Variants in GARIN1A observed in about 807,000 individuals in gnomAD.
The protein encoded by GARIN1A is Golgi-associated RAB2 interactor protein 1A.
the GARIN1A span, among the ~76,000 whole-genome samples, chr7:128,689,880 G>A: frequency 6.6e-6 from 1 of 152,180 alleles, no homozygotes. Context: ...GAGCCCCTCT[G>A]CCCGGCCACC....
the GARIN1A span, among the ~76,000 whole-genome samples, chr7:128,689,174 A>G: frequency 6.6e-6 from 1 of 151,794 alleles, no homozygotes; most frequent in Non-Finnish European, 1.5e-5. Context: ...CCAGCCGCCT[A>G]CCTTGGCCTT....
chr7:128,683,855 G>A, the GARIN1A span: 1 of 156,014 alleles, frequency 6.4e-6, no homozygotes, highest in Non-Finnish European at 1.4e-5. Context: ...GGAGGCCTCA[G>A]GAAACTTACA....
the GARIN1A span, chr7:128,672,658 C>CGGGGG: frequency 8.6e-6 from 1 of 116,144 alleles, no homozygotes; most frequent in Non-Finnish European, 1.8e-5. Context: ...GAGGGGGGGG[C>CGGGGG]GGGGGGACAA....
chr7:128,692,478 A>C, the GARIN1A span, among the ~76,000 whole-genome samples: 1 of 152,212 alleles, frequency 6.6e-6, no homozygotes, highest in Admixed American at 6.5e-5. Flanking sequence ...GCCAATACAC[A>C]CACCATTTAA....
At chr7:128,680,129 G>T in the GARIN1A span, 3 of 1,566,818 alleles carry the variant, frequency 1.9e-6, no homozygotes, top group African/African-American at 2.7e-5. Flanking sequence ...TCTCAGGAAA[G>T]CCCCAGCTCA....
At chr7:128,679,947 C>G in the GARIN1A span, 2 of 711,078 alleles carry the variant, frequency 2.8e-6, no homozygotes, top group Non-Finnish European at 4.5e-6. Flanking sequence ...TGTAATATCA[C>G]AAACCCCTTC....
At chr7:128,706,808 C>T in the GARIN1A span, among the ~76,000 whole-genome samples, 7 of 152,198 alleles carry the variant, frequency 4.6e-5, no homozygotes, top group Non-Finnish European at 8.8e-5. Context: ...CTGGTGGGCT[C>T]ACCTCTGTCT....
At chr7:128,673,910 T>C in the GARIN1A span, among the ~76,000 whole-genome samples, 516 of 152,262 alleles carry the variant, frequency 3.4e-3, 5 homozygotes, top group African/African-American at 0.012. Context: ...CTTCTCTTAA[T>C]GTGTGCTTTT....
chr7:128,704,511 G>C, the GARIN1A span, among the ~76,000 whole-genome samples: 3 of 151,908 alleles, frequency 2.0e-5, no homozygotes, highest in Non-Finnish European at 4.4e-5. Context: ...CACCATGTTG[G>C]CCAGGCTGGT....
chr7:128,707,176 C>T, the GARIN1A span, among the ~76,000 whole-genome samples: 2 of 151,378 alleles, frequency 1.3e-5, no homozygotes, highest in Non-Finnish European at 2.9e-5. Flanking sequence ...CATCACCTCC[C>T]GAATTTTCCT....
chr7:128,680,011 C>T, the GARIN1A span: 3,010 of 1,487,544 alleles, frequency 2.0e-3, 52 homozygotes, highest in African/African-American at 0.035. Flanking sequence ...AGCCATCTGA[C>T]GCTAAATTTC....
At chr7:128,683,478 T>TTATTTATG in the GARIN1A span, 3 of 152,686 alleles carry the variant, frequency 2.0e-5, no homozygotes, top group African/African-American at 7.3e-5. Context: ...ATTTATTTAT[T>TTATTTATG]TATTTATTTT....
chr7:128,678,130 T>G, the GARIN1A span: 12 of 198,346 alleles, frequency 6.1e-5, no homozygotes, highest in East Asian at 1.6e-3. Context: ...AAGCGATTCT[T>G]GTGCCTCAGC....
chr7:128,672,517 C>T, the GARIN1A span: 5 of 1,610,246 alleles, frequency 3.1e-6, no homozygotes, highest in East Asian at 2.2e-5. Flanking sequence ...ATTTGTTCTC[C>T]AACTCGGTGG....
At chr7:128,686,263 C>T in the GARIN1A span, 1 of 152,088 alleles carries the variant, frequency 6.6e-6, no homozygotes, top group Non-Finnish European at 1.5e-5. Flanking sequence ...CAGACTTTAT[C>T]ATCATCATCA....
At chr7:128,680,088 G>A in the GARIN1A span, 1 of 1,582,244 alleles carries the variant, frequency 6.3e-7, no homozygotes, top group East Asian at 2.3e-5. Flanking sequence ...GCTGCTGGCG[G>A]CTGAGCAGAC....
At chr7:128,694,083 G>A in the GARIN1A span, among the ~76,000 whole-genome samples, 1 of 152,340 alleles carries the variant, frequency 6.6e-6, no homozygotes, top group Non-Finnish European at 1.5e-5. Flanking sequence ...GGAGGGGAGA[G>A]GGCGTGGTGC....
chr7:128,675,062 G>A, the GARIN1A span, among the ~76,000 whole-genome samples: 1 of 152,170 alleles, frequency 6.6e-6, no homozygotes, highest in Non-Finnish European at 1.5e-5. Context: ...TTTTCTGCCA[G>A]CCGTGCACAG....
chr7:128,690,890 C>G, the GARIN1A span: 2 of 152,194 alleles, frequency 1.3e-5, no homozygotes, highest in African/African-American at 4.8e-5. Context: ...GAGGACTCTG[C>G]TAAATACATC....
Sources: gnomAD v4.1 joint callset for allele counts (sites outside exome capture counted in the v4.1 genomes callset) on GRCh38, gnomAD v4.1.1 for gene constraint, MANE v1.5 for transcripts, NCBI Gene and HGNC (gene_info 2026-07-23, HGNC 2026-07-21) for gene names.